FHIT: variants seen among roughly 807,000 people sequenced by gnomAD.
FHIT encodes fragile histidine triad diadenosine triphosphatase.
FHIT carries 19 observed loss-of-function variants against 17.9 expected under a neutral mutation model. That is an observed-to-expected ratio of 1.06 (90% CI 0.74 to 1.56). The LOEUF is 1.56. FHIT is among the 40% of genes most tolerant of loss of function. FHIT has a pLI of 0.00. For missense variants in FHIT, 248 were observed against 189.2 expected, an observed-to-expected ratio of 1.31 and a Z score of -1.82; for synonymous variants, 81 against 69.7, an observed-to-expected ratio of 1.16 and a Z score of -0.81.
In FHIT at chr3:59,866,406, T is replaced by C. The variant is rs143196413; in HGVS notation, c.348+55940A>G. On this transcript the variant is annotated intron_variant, in intron 8 of 9. Coordinates refer to ENST00000492590, the MANE Select transcript of FHIT (RefSeq NM_002012.4). ...TGAGGAAGGCAGATCATTCGGGGCA[T>C]TCCAGACTCAAACAAGGAGTTTGGG... 2.1e-3 allele frequency among the ~76,000 whole-genome samples: 320 copies of C among 152,314 alleles called. 2 individuals are homozygous for C. The highest frequency in any genetic ancestry group is 7.4e-3 in the African/African-American group (307 of 41,568).
intron 5 of FHIT, among the ~76,000 whole-genome samples, chr3:60,031,447 T>C (rs1266208549): frequency 1.3e-5 from 2 of 152,336 alleles, no homozygotes; most frequent in East Asian, 1.9e-4. Context: ...TAGAACAGAA[T>C]CTGAATCCAG....
chr3:60,715,282 A>G lies in FHIT; in HGVS notation c.-18+106637T>C, dbSNP rs186593739. ...TTTCTTACACCTTATACAAAAATCA[A>G]TTCAAGATGGATTAAAGACTTAAAC... On this transcript the variant is annotated intron_variant, in intron 4 of 9. Coordinates refer to ENST00000492590, the MANE Select transcript of FHIT (RefSeq NM_002012.4). Among the ~76,000 whole-genome samples the G allele has an allele frequency of 5.0e-3, 758 of 152,294 alleles. 2 individuals are homozygous for G. The highest frequency in any genetic ancestry group is 8.6e-3 in the Non-Finnish European group (585 of 68,024).
At chr3:61,139,460 T>C (rs1053549173) in intron 2 of FHIT, among the ~76,000 whole-genome samples, 2 of 152,020 alleles carry the variant, frequency 1.3e-5, no homozygotes, top group Admixed American at 1.3e-4. Context: ...TTTTTAGAGA[T>C]GGGACATCAA....
intron 4 of FHIT, among the ~76,000 whole-genome samples, chr3:60,714,664 T>A (rs2041633501): frequency 6.6e-6 from 1 of 152,172 alleles, no homozygotes; most frequent in African/African-American, 2.4e-5. Context: ...AGCCAAATCA[T>A]GAGTGAACTC....
intron 1 of FHIT, among the ~76,000 whole-genome samples, chr3:61,213,677 C>A (rs2039567460): frequency 6.6e-6 from 1 of 152,204 alleles, no homozygotes; most frequent in African/African-American, 2.4e-5. Flanking sequence ...CTACAGAACT[C>A]TGCATCCCAA....
chr3:60,234,925 G>A (rs1453710231), intron 5 of FHIT, among the ~76,000 whole-genome samples: 7 of 152,118 alleles, frequency 4.6e-5, no homozygotes, highest in South Asian at 2.1e-4. Context: ...GAGGATAACT[G>A]TAGTTAGTTA....
At chr3:60,009,166 TG>T (rs1700039828) in intron 7 of FHIT, among the ~76,000 whole-genome samples, 42 of 3,752 alleles carry the variant, frequency 0.011, no homozygotes, top group African/African-American at 0.028. Context: ...TGGGATTTTA[TG>T]TGTGTGTGTG....
chr3:60,203,203 C>T (rs1702998297), intron 5 of FHIT, among the ~76,000 whole-genome samples: 2 of 152,024 alleles, frequency 1.3e-5, no homozygotes, highest in Admixed American at 6.5e-5. Flanking sequence ...TTTTGCAACT[C>T]CTGTGAATGT....
chr3:60,878,370 C>T (rs1485523793), intron 3 of FHIT, among the ~76,000 whole-genome samples: 1 of 152,046 alleles, frequency 6.6e-6, no homozygotes, highest in African/African-American at 2.4e-5. Flanking sequence ...GCTTGTAGGC[C>T]ATGTAAGAGG....
Position 60,624,033 on chromosome 3 carries a change from G to A in FHIT, c.-17-87054C>T, listed in dbSNP as rs1171522214. On this transcript the variant is annotated intron_variant, in intron 4 of 9. Transcript: ENST00000492590. The stretch of plus-strand genomic sequence containing the variant: ...CTAAGTACAATGTTATAGTAATACA[G>A]AGAAAAACAGAAAAACTGACTCAGA... 2.6e-5 allele frequency among the ~76,000 whole-genome samples: 4 copies of A among 152,182 alleles called. No individual in the cohort carries two copies. In the East Asian group the frequency reaches 7.7e-4, roughly 29 times the overall value.
chr3:60,598,328 T>A (rs1244609741), intron 4 of FHIT, among the ~76,000 whole-genome samples: 4 of 152,168 alleles, frequency 2.6e-5, no homozygotes, highest in Admixed American at 2.6e-4. Flanking sequence ...CAAGCTGTGT[T>A]TTCTCTCCTC....
At chr3:60,543,893 C>T (rs1049492498) in intron 4 of FHIT, among the ~76,000 whole-genome samples, 6 of 147,462 alleles carry the variant, frequency 4.1e-5, no homozygotes, top group Admixed American at 3.4e-4. Flanking sequence ...TACAAGCGCC[C>T]GCACCACGCC....
intron 2 of FHIT, among the ~76,000 whole-genome samples, chr3:61,089,211 T>C (rs910221413): frequency 6.6e-6 from 1 of 152,200 alleles, no homozygotes; most frequent in African/African-American, 2.4e-5. Context: ...CAGCTCAATA[T>C]ATACATACTG....
intron 3 of FHIT, among the ~76,000 whole-genome samples, chr3:60,883,425 A>C (rs1705062184): frequency 6.6e-6 from 1 of 152,190 alleles, no homozygotes; most frequent in Non-Finnish European, 1.5e-5. Flanking sequence ...CCCAGCAAAA[A>C]GAACAAAGCT....
At chr3:60,314,033 T>C (rs1054698050) in intron 5 of FHIT, among the ~76,000 whole-genome samples, 6 of 152,252 alleles carry the variant, frequency 3.9e-5, no homozygotes, top group Non-Finnish European at 8.8e-5. Flanking sequence ...TCCCAAGCTG[T>C]CTACATCAGT....
At chr3:60,901,668 C>G (rs1706120762) in intron 3 of FHIT, among the ~76,000 whole-genome samples, 1 of 152,184 alleles carries the variant, frequency 6.6e-6, no homozygotes, top group South Asian at 2.1e-4. Context: ...CATCTGATAT[C>G]TTTGAAAGAT....
intron 5 of FHIT, among the ~76,000 whole-genome samples, chr3:60,092,884 T>C (rs796946605): frequency 3.3e-5 from 5 of 152,288 alleles, no homozygotes; most frequent in African/African-American, 9.6e-5. Context: ...AGAAAATAGA[T>C]TGTGCATCTG....
intron 5 of FHIT, among the ~76,000 whole-genome samples, chr3:60,453,597 T>C (rs2031891791): frequency 6.6e-6 from 1 of 152,158 alleles, no homozygotes; most frequent in Non-Finnish European, 1.5e-5. Context: ...GGTTTCACCA[T>C]CAGTCCTGTT....
chr3:61,087,967 T>C (rs767397083), intron 2 of FHIT, among the ~76,000 whole-genome samples: 6 of 152,160 alleles, frequency 3.9e-5, no homozygotes, highest in Non-Finnish European at 5.9e-5. Flanking sequence ...TTCAGAGAAC[T>C]GAGAGGCCGG....
Sources: gnomAD v4.1 joint callset for allele counts (sites outside exome capture counted in the v4.1 genomes callset) on GRCh38, gnomAD v4.1.1 for gene constraint, MANE v1.5 for transcripts, NCBI Gene and HGNC (gene_info 2026-07-23, HGNC 2026-07-21) for gene names.